PIP4K2A: variants seen among roughly 807,000 people sequenced by gnomAD.
PIP4K2A encodes the protein phosphatidylinositol-5-phosphate 4-kinase type 2 alpha, also known as phosphatidylinositol 5-phosphate 4-kinase type-2 alpha.
Under a neutral mutation model 42.9 loss-of-function variants are expected in PIP4K2A, and 14 were observed. That is an observed-to-expected ratio of 0.33 (90% confidence interval 0.22 to 0.51). The LOEUF (loss-of-function observed/expected upper bound fraction) is 0.51. PIP4K2A is among the 20% of genes least tolerant of loss of function. The pLI is 0.97. For missense variants in PIP4K2A, 434 were observed against 519.8 expected (o/e 0.83, Z 1.61); for synonymous variants, 192 against 192.2 (o/e 1.00, Z 0.01).
intron 3 of PIP4K2A, among the ~76,000 whole-genome samples, chr10:22,598,048 A>G (rs981760727): frequency 3.9e-5 from 6 of 152,202 alleles, no homozygotes; most frequent in Admixed American, 3.3e-4. Context: ...TCTGCAATAA[A>G]GTGACATTAT....
At chr10:22,568,181 C>T (rs776660574) in intron 5 of PIP4K2A, among the ~76,000 whole-genome samples, 5 of 152,240 alleles carry the variant, frequency 3.3e-5, no homozygotes, top group Non-Finnish European at 7.3e-5. Context: ...AAAACCTGAC[C>T]ATCACTTACT....
At chr10:22,666,588 G>A (rs924303845) in intron 1 of PIP4K2A, among the ~76,000 whole-genome samples, 4 of 152,168 alleles carry the variant, frequency 2.6e-5, no homozygotes, top group East Asian at 3.8e-4. Context: ...GGCTAACACA[G>A]CCCCTGTGTC....
intron 1 of PIP4K2A, among the ~76,000 whole-genome samples, chr10:22,710,315 C>T (rs903425070): frequency 1.6e-4 from 24 of 152,206 alleles, no homozygotes; most frequent in African/African-American, 5.5e-4. Flanking sequence ...AACTGCCTGG[C>T]AGGCCCTTTC....
At chr10:22,696,179 T>C (rs952177483) in intron 1 of PIP4K2A, among the ~76,000 whole-genome samples, 1 of 152,232 alleles carries the variant, frequency 6.6e-6, no homozygotes, top group South Asian at 2.1e-4. Context: ...GTAACAACTA[T>C]AGAATATTTC....
chr10:22,579,726 T>C (rs566936741), intron 4 of PIP4K2A, among the ~76,000 whole-genome samples: 9 of 151,760 alleles, frequency 5.9e-5, no homozygotes, highest in East Asian at 1.9e-4. Flanking sequence ...CTGGCCAACA[T>C]AGTGAAACCC....
chr10:22,685,683 T>A (rs1588706613), intron 1 of PIP4K2A, among the ~76,000 whole-genome samples: 1 of 152,164 alleles, frequency 6.6e-6, no homozygotes, highest in East Asian at 1.9e-4. Flanking sequence ...ATCCCACCAC[T>A]GCATTCCAGC....
intron 1 of PIP4K2A, among the ~76,000 whole-genome samples, chr10:22,708,370 G>T (rs185679163): frequency 6.6e-6 from 1 of 152,010 alleles, no homozygotes; most frequent in Non-Finnish European, 1.5e-5. Context: ...CTGCTCCTCC[G>T]GTGGAGATCT....
At chr10:22,714,137 A>C in intron 1 of PIP4K2A, 46 bp downstream of exon 1, 1 of 1,538,950 alleles carries the variant, frequency 6.5e-7, no homozygotes, top group Non-Finnish European at 8.8e-7. Context: ...ACGAGGAGGA[A>C]GAGGAGGAGG....
At chr10:22,561,671 GT>G (rs1836706909) in intron 6 of PIP4K2A, among the ~76,000 whole-genome samples, 1 of 141,712 alleles carries the variant, frequency 7.1e-6, no homozygotes, top group Non-Finnish European at 1.5e-5. Context: ...GACATCCTGA[GT>G]TCAAGCAATC....
chr10:22,617,690 T>C (rs1838204631), intron 1 of PIP4K2A, among the ~76,000 whole-genome samples: 2 of 152,078 alleles, frequency 1.3e-5, no homozygotes, highest in Admixed American at 1.3e-4. Flanking sequence ...GTGGAGCCCC[T>C]GTTGGGTATA....
chr10:22,712,913 G>GGGGT (rs775265774), intron 1 of PIP4K2A, among the ~76,000 whole-genome samples: 2,306 of 147,580 alleles, frequency 0.016, 58 homozygotes, highest in African/African-American at 0.052. Flanking sequence ...CTACATTGAG[G>GGGGT]GTGTGTGTGT....
chr10:22,606,927 A>G (rs1303305842), intron 3 of PIP4K2A, among the ~76,000 whole-genome samples: 1 of 152,220 alleles, frequency 6.6e-6, no homozygotes, highest in Non-Finnish European at 1.5e-5. Flanking sequence ...TCTAAACACG[A>G]AATTTATCTA....
At chr10:22,669,799 G>T (rs566550508) in intron 1 of PIP4K2A, among the ~76,000 whole-genome samples, 24 of 152,274 alleles carry the variant, frequency 1.6e-4, no homozygotes, top group African/African-American at 4.8e-4. Flanking sequence ...CAAAAAATAT[G>T]AATGTCTTTC....
At chr10:22,581,210 C>T (rs1454050254) in intron 4 of PIP4K2A, among the ~76,000 whole-genome samples, 1 of 152,198 alleles carries the variant, frequency 6.6e-6, no homozygotes, top group Non-Finnish European at 1.5e-5. Context: ...TTCCACCTGT[C>T]TGACTCTGCA....
At chr10:22,571,157 G>A (rs943782831) in intron 5 of PIP4K2A, among the ~76,000 whole-genome samples, 43 of 152,344 alleles carry the variant, frequency 2.8e-4, no homozygotes, top group African/African-American at 1.0e-3. Flanking sequence ...GTTATGAGTT[G>A]AACTGGCCAT....
chr10:22,623,652 A>C (rs1026437057), intron 1 of PIP4K2A, among the ~76,000 whole-genome samples: 10 of 152,174 alleles, frequency 6.6e-5, no homozygotes, highest in Admixed American at 6.5e-4. Flanking sequence ...AGTGCATTGC[A>C]ACCAATTGTA....
intron 3 of PIP4K2A, among the ~76,000 whole-genome samples, chr10:22,596,902 T>TG (rs1837647616): frequency 6.6e-6 from 1 of 152,246 alleles, no homozygotes; most frequent in Non-Finnish European, 1.5e-5. Context: ...CTTCCCTGCC[T>TG]GGGCTCCAGA....
At chr10:22,609,074 T>A (rs1185638945) in intron 2 of PIP4K2A, among the ~76,000 whole-genome samples, 1 of 152,208 alleles carries the variant, frequency 6.6e-6, no homozygotes, top group Non-Finnish European at 1.5e-5. Flanking sequence ...TCTGAGCCCC[T>A]TGAGGGCAGG....
At chr10:22,541,417 G>A (rs571676166) in intron 8 of PIP4K2A, among the ~76,000 whole-genome samples, 1 of 152,330 alleles carries the variant, frequency 6.6e-6, no homozygotes, top group East Asian at 1.9e-4. Flanking sequence ...AGGCAAAAAC[G>A]TATTAATATT....
Sources: gnomAD v4.1 joint callset for allele counts (sites outside exome capture counted in the v4.1 genomes callset) on GRCh38, gnomAD v4.1.1 for gene constraint, MANE v1.5 for transcripts, NCBI Gene and HGNC (gene_info 2026-07-23, HGNC 2026-07-21) for gene names.